GRID2: variants seen among roughly 807,000 people sequenced by gnomAD.
GRID2 encodes glutamate ionotropic receptor delta type subunit 2.
Under a neutral mutation model 114.8 loss-of-function variants are expected in GRID2, and 33 were observed. The ratio of observed to expected loss-of-function variants is 0.29; its 90% CI spans 0.22 to 0.38. The LOEUF is 0.38. GRID2 is among the 10% of genes least tolerant of loss of function. The pLI is 1.00. For missense variants in GRID2, 1,184 were observed against 1,257.7 expected (o/e 0.94, Z 0.89); for synonymous variants, 505 against 449.9 (o/e 1.12, Z -1.55).
chr4:93,504,969 G>A (rs1222345072), intron 12 of GRID2, among the ~76,000 whole-genome samples: 11 of 152,026 alleles, frequency 7.2e-5, no homozygotes, highest in Admixed American at 7.2e-4. Flanking sequence ...TGGTATGCAG[G>A]TATTGTCCAT....
At chr4:93,477,326 T>G (rs1268506505) in intron 11 of GRID2, among the ~76,000 whole-genome samples, 1 of 152,116 alleles carries the variant, frequency 6.6e-6, no homozygotes, top group Non-Finnish European at 1.5e-5. Flanking sequence ...ACTATCACAA[T>G]GACAGTTAAA....
chr4:92,899,316 T>A (rs1026895041), intron 2 of GRID2, among the ~76,000 whole-genome samples: 37 of 152,096 alleles, frequency 2.4e-4, no homozygotes, highest in Non-Finnish European at 4.7e-4. Flanking sequence ...TCCGAAAAAA[T>A]TTAGCTATAT....
chr4:93,700,361 G>A lies in GRID2; in HGVS notation c.2361-68849G>A, dbSNP rs568887472. On this transcript the variant is annotated intron_variant, in intron 14 of 15. Coordinates refer to ENST00000282020, the MANE Select transcript of GRID2 (RefSeq NM_001510.4). ...ATTTTCATTAATAATCTCTTGGGCA[G>A]CTTCAGTCTCACTGTGAAGGATTCA... Among the ~76,000 whole-genome samples, 3 of 152,196 alleles carry A rather than the reference G, an allele frequency of 2.0e-5. No homozygotes were observed. The East Asian group carries it at 5.8e-4, about 29-fold the overall frequency.
At chr4:92,429,378 T>C (rs527606200) in intron 1 of GRID2, among the ~76,000 whole-genome samples, 1 of 152,308 alleles carries the variant, frequency 6.6e-6, no homozygotes, top group East Asian at 1.9e-4. Flanking sequence ...TTATTTCACT[T>C]AATGTAATGT....
chr4:92,981,202 T>C (rs754789369), intron 2 of GRID2, among the ~76,000 whole-genome samples: 1 of 151,918 alleles, frequency 6.6e-6, no homozygotes, highest in Non-Finnish European at 1.5e-5. Context: ...GAATTATACC[T>C]ATATATATGT....
chr4:93,371,356 A>T (rs1044502890), intron 8 of GRID2, among the ~76,000 whole-genome samples: 1 of 151,978 alleles, frequency 6.6e-6, no homozygotes, highest in Non-Finnish European at 1.5e-5. Context: ...GTGTTCTGTT[A>T]TTCCTTTTTT....
chr4:93,415,016 A>C (rs1302971227), intron 9 of GRID2, among the ~76,000 whole-genome samples: 1 of 152,076 alleles, frequency 6.6e-6, no homozygotes, highest in Non-Finnish European at 1.5e-5. Flanking sequence ...AAATGCTTCT[A>C]TATCCAGATA....
At chr4:92,424,936 A>G (rs1270295464) in intron 1 of GRID2, among the ~76,000 whole-genome samples, 1 of 151,968 alleles carries the variant, frequency 6.6e-6, no homozygotes, top group Non-Finnish European at 1.5e-5. Flanking sequence ...ATGAATGGAA[A>G]AAACATAGTT....
intron 3 of GRID2, among the ~76,000 whole-genome samples, chr4:93,097,061 T>C (rs76139149): frequency 0.054 from 8,269 of 152,044 alleles, 355 homozygotes; most frequent in East Asian, 0.19. Flanking sequence ...TGATTCCATA[T>C]ATTTTAAGTC....
At chr4:93,622,798 G>A (rs1742331138) in intron 13 of GRID2, among the ~76,000 whole-genome samples, 2 of 152,066 alleles carry the variant, frequency 1.3e-5, no homozygotes, top group South Asian at 4.1e-4. Context: ...CAATATTGGT[G>A]GGATCTAAGC....
intron 14 of GRID2, among the ~76,000 whole-genome samples, chr4:93,730,340 T>A (rs1007266996): frequency 6.6e-6 from 1 of 152,172 alleles, no homozygotes. Flanking sequence ...AGAACTCAGA[T>A]TGTTTTAGTC....
chr4:93,328,707 TTGGATGGATGGA>T (rs34951218), intron 8 of GRID2, among the ~76,000 whole-genome samples: 1,503 of 149,816 alleles, frequency 0.01, 12 homozygotes, highest in Non-Finnish European at 0.015. Flanking sequence ...GGATGGATGG[TTGGATGGATGGA>T]TGGATGGATG....
chr4:92,436,709 G>GTGTGTTAAATATGTATT (rs1295798885), intron 1 of GRID2, among the ~76,000 whole-genome samples: 2 of 152,008 alleles, frequency 1.3e-5, no homozygotes, highest in African/African-American at 4.8e-5. Context: ...AGCTATAAAT[G>GTGTGTTAAATATGTATT]TGTGTTAAAT....
At chr4:92,847,365 G>A (rs1743403890) in intron 2 of GRID2, among the ~76,000 whole-genome samples, 1 of 151,966 alleles carries the variant, frequency 6.6e-6, no homozygotes, top group African/African-American at 2.4e-5. Flanking sequence ...GCAGATCTCT[G>A]TGACAGTTTT....
intron 1 of GRID2, among the ~76,000 whole-genome samples, chr4:92,530,634 G>A (rs1296089618): frequency 6.6e-6 from 1 of 151,550 alleles, no homozygotes; most frequent in Non-Finnish European, 1.5e-5. Context: ...GGGCATGGTG[G>A]CTTATTCCTG....
At chr4:93,663,668 G>C (rs1663398659) in intron 14 of GRID2, among the ~76,000 whole-genome samples, 1 of 152,088 alleles carries the variant, frequency 6.6e-6, no homozygotes, top group Non-Finnish European at 1.5e-5. Flanking sequence ...CTCAGTCTAT[G>C]GGCCAGATAT....
At chr4:92,964,568 G>T (rs987927716) in intron 2 of GRID2, among the ~76,000 whole-genome samples, 1 of 151,938 alleles carries the variant, frequency 6.6e-6, no homozygotes, top group Non-Finnish European at 1.5e-5. Context: ...AAAATCTGTT[G>T]TTTAGGGCAG....
At chr4:93,708,254 T>C (rs1728178533) in intron 14 of GRID2, among the ~76,000 whole-genome samples, 1 of 152,020 alleles carries the variant, frequency 6.6e-6, no homozygotes, top group Non-Finnish European at 1.5e-5. Context: ...TCTTTGTTGA[T>C]TTTCTATCTG....
At chr4:93,727,352 G>A (rs1730019475) in intron 14 of GRID2, among the ~76,000 whole-genome samples, 1 of 152,154 alleles carries the variant, frequency 6.6e-6, no homozygotes, top group South Asian at 2.1e-4. Context: ...GATCATGGTG[G>A]ATAAGCTTTT....
Sources: allele counts gnomAD v4.1 joint callset (sites outside exome capture counted in the v4.1 genomes callset), GRCh38; gene constraint gnomAD v4.1.1; transcripts MANE v1.5; gene names NCBI Gene and HGNC (gene_info 2026-07-23, HGNC 2026-07-21).